Variants in TXNRD1 observed in about 807,000 individuals in gnomAD.
TXNRD1 encodes thioredoxin reductase 1, cytoplasmic.
In TXNRD1, 57 loss-of-function variants were observed where a neutral mutation model predicts 80.3. That is an observed-to-expected ratio of 0.71 (90% CI 0.57 to 0.89). The LOEUF is 0.89. Among genes scored for constraint, TXNRD1 ranks in the 40% least tolerant of loss-of-function variants. The pLI is 0.00. For missense variants in TXNRD1, 730 were observed against 803.0 expected, an observed-to-expected ratio of 0.91 and a Z score of 1.10; for synonymous variants, 291 against 285.2, an observed-to-expected ratio of 1.02 and a Z score of -0.20.
chr12:104,334,734 G>T (rs1405510502), intron 15 of TXNRD1, among the ~76,000 whole-genome samples: 1 of 152,132 alleles, frequency 6.6e-6, no homozygotes, highest in Non-Finnish European at 1.5e-5. Context: ...AGTATTTCGC[G>T]TGCCAGTTGT....
intron 4 of TXNRD1, among the ~76,000 whole-genome samples, chr12:104,303,297 C>T (rs535591485): frequency 6.6e-6 from 1 of 152,320 alleles, no homozygotes; most frequent in South Asian, 2.1e-4. Flanking sequence ...CAAACACCAC[C>T]TTGCAAAAGA....
chr12:104,242,448 T>C (rs1207242129), intron 1 of TXNRD1, among the ~76,000 whole-genome samples: 1 of 151,668 alleles, frequency 6.6e-6, no homozygotes, highest in Non-Finnish European at 1.5e-5. Flanking sequence ...CTTGGGAGGC[T>C]GAGGCAGGAG....
intron 1 of TXNRD1, among the ~76,000 whole-genome samples, chr12:104,225,130 C>T (rs1030289548): frequency 6.6e-6 from 1 of 152,102 alleles, no homozygotes; most frequent in Non-Finnish European, 1.5e-5. Context: ...TAAATATGCC[C>T]ATATGGAGTT....
chr12:104,258,079 G>T lies in TXNRD1; in HGVS notation c.304G>T (p.Glu102Ter). ...TTTTGTGCTTGAACTTGATCAAACA[G>T]GTAAGTTTCTGTTTAATATGTAAAT... The part of the protein sequence containing the change: ...PYFVLELDQT[E>*]DGRALEGTLS... The change falls in exon 3 of 17, where the codon GAG becomes TAG. Residue 102 changes from glutamate (E) to a stop codon, truncating the protein, a stop_gained and splice_region_variant. Transcript: ENST00000525566. LOFTEE classifies it high-confidence loss of function. 6.5e-7 allele frequency: 1 copy of T among 1,545,622 alleles called. No homozygotes were observed. Among genetic ancestry groups the T allele is most frequent in the Non-Finnish European group, 8.8e-7 (1 of 1,141,376 alleles).
At chr12:104,347,554 A>G (rs1483981318) in intron 16 of TXNRD1, among the ~76,000 whole-genome samples, 1 of 152,166 alleles carries the variant, frequency 6.6e-6, no homozygotes, top group African/African-American at 2.4e-5. Flanking sequence ...AGTCAAGCCA[A>G]AGTTTCACCT....
At chr12:104,273,585 T>G (rs1478754683) in intron 3 of TXNRD1, among the ~76,000 whole-genome samples, 1 of 151,796 alleles carries the variant, frequency 6.6e-6, no homozygotes, top group Non-Finnish European at 1.5e-5. Context: ...AGAGTGAGAA[T>G]CCATCTCAAA....
intron 4 of TXNRD1, among the ~76,000 whole-genome samples, chr12:104,301,035 T>A (rs2034603906): frequency 6.6e-6 from 1 of 152,338 alleles, no homozygotes; most frequent in Admixed American, 6.5e-5. Context: ...CTTGGAGATC[T>A]AGCATAGAAT....
chr12:104,310,028 G>A lies in TXNRD1; in HGVS notation c.415-1262G>A, dbSNP rs578219697. 81 of 1,536,144 alleles carry A rather than the reference G, an allele frequency of 5.3e-5. No individual in the cohort carries two copies. The African/African-American group carries it at 5.3e-4, about 10-fold the overall frequency. The stretch of plus-strand genomic sequence containing the variant: ...CACATCCCAAGAACCTTCTTCTTCC[G>A]CTGACCCCAAGCTCTGCCTTTCACC... On this transcript the variant is annotated intron_variant, in intron 4 of 16. Transcript: ENST00000525566.
chr12:104,259,160 C>T (rs1287361491), intron 3 of TXNRD1, among the ~76,000 whole-genome samples: 1 of 151,952 alleles, frequency 6.6e-6, no homozygotes, highest in Non-Finnish European at 1.5e-5. Flanking sequence ...GGCTGGATTC[C>T]CTGAGGTAAA....
chr12:104,277,562 C>T (rs191253140), intron 3 of TXNRD1, among the ~76,000 whole-genome samples: 1 of 151,936 alleles, frequency 6.6e-6, no homozygotes, highest in South Asian at 2.1e-4. Context: ...GATTCTGTCT[C>T]CAAAAAACAA....
At position 104,311,273 on chromosome 12, in the gene TXNRD1, C is replaced by G. The variant is rs1170229867; in HGVS notation, c.415-17C>G. ...ATTTTAAGTTAAATTATTTTCTCTT[C>G]TGTTATTTTTCTTTAGGCTTATCAG... is the stretch of plus-strand genomic sequence containing the variant. On this transcript the variant is annotated splice_polypyrimidine_tract_variant and intron_variant, in intron 4 of 16. Coordinates refer to ENST00000525566, the MANE Select transcript of TXNRD1 (RefSeq NM_001093771.3). 1 of 1,559,416 alleles carries G rather than the reference C, an allele frequency of 6.4e-7. No homozygotes were observed. Among genetic ancestry groups the G allele is most frequent in the East Asian group, 2.3e-5 (1 of 43,270 alleles).
chr12:104,308,141 G>A (rs1226517824), intron 4 of TXNRD1, among the ~76,000 whole-genome samples: 4 of 152,022 alleles, frequency 2.6e-5, no homozygotes, highest in East Asian at 3.9e-4. Flanking sequence ...GACTACAGGC[G>A]CCTGCCACCA....
At position 104,215,886 on chromosome 12, in the gene TXNRD1, T is replaced by C. The variant is rs759529185; in HGVS notation, c.84T>C (p.Arg28=). 37 of 1,554,804 alleles carry C rather than the reference T, an allele frequency of 2.4e-5. No homozygotes were observed. Among genetic ancestry groups the C allele is most frequent in the African/African-American group, 2.7e-5 (2 of 73,094 alleles). The part of the protein sequence containing the change: ...QTKGKNGDGR[R]RSAKDHHPGK... ...AAGGCAAGAACGGCGATGGCCGCCG[T>C]AGGTCAGGTACGACCGAGGGCGAAG... The change falls in exon 1 of 17, where the codon CGT becomes CGC. Residue 28 remains arginine, a synonymous_variant. Coordinates refer to ENST00000525566, the MANE Select transcript of TXNRD1 (RefSeq NM_001093771.3).
intron 2 of TXNRD1, among the ~76,000 whole-genome samples, chr12:104,253,016 G>A (rs187369198): frequency 6.6e-6 from 1 of 152,018 alleles, no homozygotes; most frequent in Non-Finnish European, 1.5e-5. Flanking sequence ...TTATTATTAA[G>A]TTTAATTTTC....
chr12:104,279,149 T>C (rs1393859574), intron 3 of TXNRD1, among the ~76,000 whole-genome samples: 1 of 152,222 alleles, frequency 6.6e-6, no homozygotes, highest in Non-Finnish European at 1.5e-5. Context: ...TAGTCACATG[T>C]GGTGAGTGGC....
chr12:104,315,502 A>C (rs2035293386), intron 6 of TXNRD1, among the ~76,000 whole-genome samples: 1 of 152,212 alleles, frequency 6.6e-6, no homozygotes, highest in African/African-American at 2.4e-5. Flanking sequence ...CATCTTTATC[A>C]GCAGTCAGTT....
At chr12:104,334,563 G>A (rs2036069317) in intron 15 of TXNRD1, among the ~76,000 whole-genome samples, 2 of 152,052 alleles carry the variant, frequency 1.3e-5, no homozygotes, top group South Asian at 4.2e-4. Flanking sequence ...TGTAGACGGG[G>A]GTTTCACCAT....
intron 1 of TXNRD1, among the ~76,000 whole-genome samples, chr12:104,229,327 T>C (rs1349749350): frequency 6.6e-6 from 1 of 151,658 alleles, no homozygotes; most frequent in African/African-American, 2.4e-5. Flanking sequence ...TTTGTACGTT[T>C]TGTAGAGTCA....
chr12:104,229,263 T>A (rs1302774138), intron 1 of TXNRD1, among the ~76,000 whole-genome samples: 1 of 147,660 alleles, frequency 6.8e-6, no homozygotes, highest in Non-Finnish European at 1.5e-5. Context: ...TCCTCCCACC[T>A]CAGCCTCCTC....
Sources: allele counts gnomAD v4.1 joint callset (sites outside exome capture counted in the v4.1 genomes callset), GRCh38; gene constraint gnomAD v4.1.1; transcripts MANE v1.5; gene names NCBI Gene and HGNC (gene_info 2026-07-23, HGNC 2026-07-21).